Variants in MMP24 observed in about 807,000 individuals in gnomAD.
The protein encoded by MMP24 is matrix metalloproteinase-24.
A neutral mutation model predicts 62.8 loss-of-function variants in MMP24; 25 were observed. That is an observed-to-expected ratio of 0.40 (90% CI 0.29 to 0.56). The LOEUF (loss-of-function observed/expected upper bound fraction) is 0.56. MMP24 is among the 20% of genes least tolerant of loss of function. The pLI is 0.50. For synonymous variants in MMP24, 319 were observed against 350.5 expected (o/e 0.91, Z 1.00); for missense variants, 634 against 853.6 (o/e 0.74, Z 3.21).
At chr20:35,268,724 A>G (rs2060648867) in intron 6 of MMP24, among the ~76,000 whole-genome samples, 1 of 152,172 alleles carries the variant, frequency 6.6e-6, no homozygotes, top group African/African-American at 2.4e-5. Context: ...CCATTTACAC[A>G]TAAGAAAACT....
chr20:35,273,164 G>A (rs1210182510), intron 8 of MMP24, among the ~76,000 whole-genome samples: 1 of 152,022 alleles, frequency 6.6e-6, no homozygotes, highest in Non-Finnish European at 1.5e-5. Flanking sequence ...AGGCTGAGGT[G>A]GGAGGATCAC....
At chr20:35,270,041 A>C in intron 7 of MMP24, 143 bp downstream of exon 7, 2 of 1,095,736 alleles carry the variant, frequency 1.8e-6, no homozygotes, top group Non-Finnish European at 2.6e-6. Context: ...ACCTCTGACA[A>C]ATCAAGTCAG....
At chr20:35,268,828 C>T (rs192771712) in intron 6 of MMP24, among the ~76,000 whole-genome samples, 45 of 152,132 alleles carry the variant, frequency 3.0e-4, no homozygotes, top group Admixed American at 6.5e-4. Flanking sequence ...GAGATCAAGA[C>T]CATCCTGGCT....
At chr20:35,253,168 C>T (rs1218532200) in intron 3 of MMP24, among the ~76,000 whole-genome samples, 1 of 152,124 alleles carries the variant, frequency 6.6e-6, no homozygotes, top group Non-Finnish European at 1.5e-5. Context: ...CTGCTGTCAT[C>T]TCAGGTGGAT....
chr20:35,267,804 G>T, intron 6 of MMP24: 1 of 280,662 alleles, frequency 3.6e-6, no homozygotes, highest in South Asian at 3.7e-5. Flanking sequence ...TCAACTTGGA[G>T]TAGGGGCTAG....
At chr20:35,251,288 T>G (rs1227639247) in intron 2 of MMP24, among the ~76,000 whole-genome samples, 1 of 151,836 alleles carries the variant, frequency 6.6e-6, no homozygotes, top group African/African-American at 2.4e-5. Context: ...CTGGCTAATT[T>G]TTTTTTTTGT....
At chr20:35,266,475 T>A (rs1377589379) in intron 5 of MMP24, among the ~76,000 whole-genome samples, 2 of 149,916 alleles carry the variant, frequency 1.3e-5, no homozygotes, top group African/African-American at 4.9e-5. Context: ...GACCTAAGGA[T>A]GAAAATGTAG....
chr20:35,248,500 G>A (rs1260698898), intron 2 of MMP24, among the ~76,000 whole-genome samples: 1 of 151,962 alleles, frequency 6.6e-6, no homozygotes, highest in Non-Finnish European at 1.5e-5. Context: ...TAGAGATGGG[G>A]TTTCACCATG....
chr20:35,274,219 G>T lies in MMP24; in HGVS notation c.1601-53G>T. 6.6e-7 allele frequency: 1 copy of T among 1,523,078 alleles called. No individual in the cohort carries two copies. Among genetic ancestry groups the T allele is most frequent in the South Asian group, 1.2e-5 (1 of 81,394 alleles). The allele number at this position is 1,523,078 out of a possible 1,614,324, so 94.3% of individuals were successfully genotyped here. On this transcript the variant is annotated intron_variant, in intron 8 of 8. Transcript: ENST00000246186. This position sits in a 1 kb window ranked among gnomAD's most constrained non-coding sequence, Gnocchi z 5.1. ...GTGCCCTCCTTTTCACACTGCCCCA[G>T]AGCAGGTGCCGGAAGTGTCTGGGAG...
chr20:35,232,824 G>A (rs2060443798), intron 1 of MMP24, among the ~76,000 whole-genome samples: 1 of 152,146 alleles, frequency 6.6e-6, no homozygotes, highest in African/African-American at 2.4e-5. Flanking sequence ...AAGGCTGAGG[G>A]GAGTCATTAA....
intron 5 of MMP24, among the ~76,000 whole-genome samples, chr20:35,265,378 G>A (rs1343792100): frequency 6.6e-6 from 1 of 151,646 alleles, no homozygotes; most frequent in Non-Finnish European, 1.5e-5. Flanking sequence ...GGAGGCGGAG[G>A]TTGCAGTGAG....
At chr20:35,261,885 C>G (rs550240015) in intron 4 of MMP24, among the ~76,000 whole-genome samples, 2 of 151,258 alleles carry the variant, frequency 1.3e-5, no homozygotes, top group Non-Finnish European at 2.9e-5. Context: ...ACTGCAACCT[C>G]CACCTCCCAG....
chr20:35,228,535 C>T (rs1600767770), intron 1 of MMP24, among the ~76,000 whole-genome samples: 1 of 152,354 alleles, frequency 6.6e-6, no homozygotes, highest in East Asian at 1.9e-4. Context: ...GGCCTGGGCT[C>T]TGATCTGACC....
intron 3 of MMP24, among the ~76,000 whole-genome samples, chr20:35,253,270 C>CTTTTTTTTTTTTTTTTTTTTTTTTT (rs34474017): frequency 1.3e-5 from 1 of 79,078 alleles, no homozygotes; most frequent in African/African-American, 5.8e-5. Context: ...CAGAACGGGA[C>CTTTTTTTTTTTTTTTTTTTTTTTTT]TTTTTTTTTT....
chr20:35,246,369 C>T (rs913308525), intron 1 of MMP24, among the ~76,000 whole-genome samples: 4 of 151,508 alleles, frequency 2.6e-5, no homozygotes, highest in Admixed American at 6.6e-5. Context: ...CCCAGCTATT[C>T]GGGAGGCTGA....
chr20:35,240,716 G>A (rs1183809835), intron 1 of MMP24, among the ~76,000 whole-genome samples: 1 of 152,094 alleles, frequency 6.6e-6, no homozygotes, highest in Non-Finnish European at 1.5e-5. Flanking sequence ...TGCTTTCAGT[G>A]TATTACTAAA....
At position 35,274,348 on chromosome 20, in the gene MMP24, G is replaced by A. The variant is rs184666059; in HGVS notation, c.1677G>A (p.Pro559=). 6.6e-5 allele frequency: 106 copies of A among 1,613,908 alleles called. No homozygotes were observed. The highest frequency in any genetic ancestry group is 3.5e-4 in the Admixed American group (21 of 60,018). Residue 559 remains proline, a synonymous_variant, in exon 9 of 9, where the codon CCG becomes CCA. Coordinates refer to ENST00000246186, the MANE Select transcript of MMP24 (RefSeq NM_006690.4). This position sits in a 1 kb window ranked among gnomAD's most constrained non-coding sequence, Gnocchi z 5.1. ...NQKLSVEPGY[P]RNILRDWMGC... is the part of the protein sequence containing the mutation. Reference sequence around the variant, plus strand: ...AACTGAGCGTGGAGCCAGGCTACCCGCGCAACATCCTGCGTGACTGGATGG... The same window carrying A: ...AACTGAGCGTGGAGCCAGGCTACCCACGCAACATCCTGCGTGACTGGATGG...
At chr20:35,270,665 T>G (rs2060664099) in intron 7 of MMP24, among the ~76,000 whole-genome samples, 1 of 152,094 alleles carries the variant, frequency 6.6e-6, no homozygotes, top group South Asian at 2.1e-4. Context: ...AGCGCGCCAC[T>G]CATGAGGCCC....
At chr20:35,247,853 G>C (rs1243216747) in intron 2 of MMP24, among the ~76,000 whole-genome samples, 1 of 152,186 alleles carries the variant, frequency 6.6e-6, no homozygotes, top group Admixed American at 6.5e-5. Context: ...ACTGAAGTGG[G>C]GAGAAGCGGA....
Sources: gnomAD v4.1 joint callset for allele counts (sites outside exome capture counted in the v4.1 genomes callset) on GRCh38, gnomAD v4.1.1 for gene constraint, Gnocchi (gnomAD v3.1) non-coding constraint, MANE v1.5 for transcripts, NCBI Gene and HGNC (gene_info 2026-07-23, HGNC 2026-07-21) for gene names.